Variants in TWSG1 observed in about 807,000 individuals in gnomAD.
TWSG1 encodes the protein twisted gastrulation protein homolog 1.
In TWSG1, 15 loss-of-function variants were observed where a neutral mutation model predicts 23.0. The ratio of observed to expected loss-of-function variants is 0.65; its 90% CI spans 0.44 to 1.00. TWSG1 has a LOEUF of 1.00. Ranked by LOEUF, TWSG1 falls within the 50% of genes least tolerant of loss-of-function variation. The pLI, the probability that TWSG1 is intolerant of heterozygous loss-of-function variation, is 0.00. For missense variants in TWSG1, 242 were observed against 278.7 expected, an observed-to-expected ratio of 0.87 and a Z score of 0.94; for synonymous variants, 86 against 92.8, an observed-to-expected ratio of 0.93 and a Z score of 0.42.
chr18:9,380,447 ATGAAGG>A (rs1195774748), intron 3 of TWSG1, among the ~76,000 whole-genome samples: 1 of 152,206 alleles, frequency 6.6e-6, no homozygotes, highest in Non-Finnish European at 1.5e-5. Flanking sequence ...TCTTGTGAAG[ATGAAGG>A]TGAAGGTGGT....
At chr18:9,344,523 A>ATGTGTATG (rs1218016801) in intron 2 of TWSG1, among the ~76,000 whole-genome samples, 1 of 108,394 alleles carries the variant, frequency 9.2e-6, no homozygotes, top group Admixed American at 1.0e-4. Flanking sequence ...GTGTGTGTGT[A>ATGTGTATG]TGTATGTATT....
chr18:9,397,487 T>C (rs2040742574), intron 4 of TWSG1, among the ~76,000 whole-genome samples: 1 of 152,228 alleles, frequency 6.6e-6, no homozygotes, highest in Non-Finnish European at 1.5e-5. Context: ...CATTTATTAG[T>C]GAAGATAGGT....
chr18:9,340,939 C>T (rs959612857), intron 2 of TWSG1, among the ~76,000 whole-genome samples: 3 of 152,202 alleles, frequency 2.0e-5, no homozygotes, highest in African/African-American at 7.2e-5. Context: ...AATCTGAAGG[C>T]TCACTGATAA....
At chr18:9,359,218 G>T (rs1385788094) in intron 2 of TWSG1, among the ~76,000 whole-genome samples, 1 of 151,950 alleles carries the variant, frequency 6.6e-6, no homozygotes, top group Non-Finnish European at 1.5e-5. Flanking sequence ...GCTGATCTAG[G>T]ATGGCCCCAG....
intron 3 of TWSG1, among the ~76,000 whole-genome samples, chr18:9,368,675 C>T (rs1327455805): frequency 2.0e-5 from 3 of 152,018 alleles, no homozygotes; most frequent in Admixed American, 6.6e-5. Context: ...TGGCTGGGCA[C>T]GGCGGCTCAT....
At chr18:9,340,415 G>A (rs1375054881) in intron 2 of TWSG1, among the ~76,000 whole-genome samples, 1 of 147,874 alleles carries the variant, frequency 6.8e-6, no homozygotes, top group Non-Finnish European at 1.5e-5. Context: ...CTCAAATATT[G>A]AGGATTTTCT....
At chr18:9,388,515 A>G (rs546328842) in intron 3 of TWSG1, 9 of 152,230 alleles carry the variant, frequency 5.9e-5, no homozygotes, top group Non-Finnish European at 1.3e-4. Flanking sequence ...CAAGTTTGTC[A>G]TATAGAATTT....
At chr18:9,335,635 T>C (rs927249258) in intron 1 of TWSG1, among the ~76,000 whole-genome samples, 4 of 152,208 alleles carry the variant, frequency 2.6e-5, no homozygotes, top group Non-Finnish European at 4.4e-5. Flanking sequence ...TACTGGTTGC[T>C]CCAGAAATCA....
intron 3 of TWSG1, among the ~76,000 whole-genome samples, chr18:9,378,090 T>C (rs2040639529): frequency 6.6e-6 from 1 of 152,166 alleles, no homozygotes; most frequent in Non-Finnish European, 1.5e-5. Flanking sequence ...AAATTAAAAA[T>C]TTCTACTCTG....
At chr18:9,397,817 C>A (rs2040743833) in intron 4 of TWSG1, among the ~76,000 whole-genome samples, 1 of 151,916 alleles carries the variant, frequency 6.6e-6, no homozygotes, top group Non-Finnish European at 1.5e-5. Context: ...ACCAGCCTGA[C>A]CAACATGAGA....
At chr18:9,395,650 T>G (rs889258072) in intron 3 of TWSG1, among the ~76,000 whole-genome samples, 1 of 152,156 alleles carries the variant, frequency 6.6e-6, no homozygotes, top group Non-Finnish European at 1.5e-5. Context: ...TACTGCTGCC[T>G]TATCTCCTGG....
chr18:9,379,316 A>G (rs545911467), intron 3 of TWSG1, among the ~76,000 whole-genome samples: 2 of 152,340 alleles, frequency 1.3e-5, no homozygotes, highest in Admixed American at 6.5e-5. Context: ...CATACACACC[A>G]TGGAATACTC....
chr18:9,360,429 A>T (rs974448409), intron 3 of TWSG1, among the ~76,000 whole-genome samples: 11 of 152,262 alleles, frequency 7.2e-5, no homozygotes, highest in Admixed American at 2.0e-4. Context: ...TGTGTTAAGT[A>T]AAAAAAGTCA....
intron 3 of TWSG1, among the ~76,000 whole-genome samples, chr18:9,375,680 G>T (rs1392711934): frequency 6.6e-6 from 1 of 152,164 alleles, no homozygotes; most frequent in Non-Finnish European, 1.5e-5. Context: ...AGCAATTGCT[G>T]TTCTACATAC....
chr18:9,347,131 G>A (rs1256979248), intron 2 of TWSG1, among the ~76,000 whole-genome samples: 1 of 152,116 alleles, frequency 6.6e-6, no homozygotes. Flanking sequence ...TTTTGGGTGA[G>A]GTGTCTGTTA....
intron 3 of TWSG1, among the ~76,000 whole-genome samples, chr18:9,379,514 G>C (rs1485574409): frequency 2.0e-5 from 3 of 152,100 alleles, no homozygotes; most frequent in African/African-American, 7.2e-5. Context: ...GCCTACTTGA[G>C]GGTGGAGGAC....
chr18:9,360,789 A>G (rs139624843), intron 3 of TWSG1, among the ~76,000 whole-genome samples: 1 of 152,308 alleles, frequency 6.6e-6, no homozygotes, highest in East Asian at 1.9e-4. Context: ...GTCACATAGT[A>G]CTAAAACAAT....
At chr18:9,368,250 G>A (rs1192324845) in intron 3 of TWSG1, among the ~76,000 whole-genome samples, 1 of 152,132 alleles carries the variant, frequency 6.6e-6, no homozygotes, top group African/African-American at 2.4e-5. Flanking sequence ...CACCCAGGCT[G>A]GAGTGCAGTG....
At chr18:9,335,833 G>T (rs1252889237) in intron 1 of TWSG1, among the ~76,000 whole-genome samples, 5 of 152,078 alleles carry the variant, frequency 3.3e-5, no homozygotes, top group Non-Finnish European at 7.4e-5. Flanking sequence ...GTAACACTTA[G>T]AATAAAAGTT....
Sources: gnomAD v4.1 joint callset for allele counts (sites outside exome capture counted in the v4.1 genomes callset) on GRCh38, gnomAD v4.1.1 for gene constraint, MANE v1.5 for transcripts, NCBI Gene and HGNC (gene_info 2026-07-23, HGNC 2026-07-21) for gene names.